ABCC3: variants seen among roughly 807,000 people sequenced by gnomAD.
The protein encoded by ABCC3 is ATP binding cassette subfamily C member 3.
A neutral mutation model predicts 165.3 loss-of-function variants in ABCC3; 121 were observed. The observed-to-expected ratio is 0.73, with a 90% confidence interval of 0.63 to 0.85. The LOEUF (loss-of-function observed/expected upper bound fraction) is 0.85, where lower values mean the gene tolerates loss of function less well. Among genes scored for constraint, ABCC3 ranks in the 40% least tolerant of loss-of-function variants. ABCC3 has a pLI of 0.00. For missense variants in ABCC3, 1,869 were observed against 1,964.1 expected (o/e 0.95, Z 0.92); for synonymous variants, 733 against 810.1 (o/e 0.90, Z 1.62).
intron 17 of ABCC3, among the ~76,000 whole-genome samples, chr17:50,672,013 C>G (rs929546300): frequency 6.6e-6 from 1 of 151,930 alleles, no homozygotes; most frequent in Non-Finnish European, 1.5e-5. Context: ...TGAGCCACCA[C>G]GCGCGACCTC....
At chr17:50,658,575 C>A in intron 6 of ABCC3, 79 bp downstream of exon 6, 2 of 1,492,276 alleles carry the variant, frequency 1.3e-6, no homozygotes, top group African/African-American at 1.4e-5. Context: ...AGCAGGGCAG[C>A]AGTTTAGGGA....
Position 50,684,088 on chromosome 17 carries a change from A to G in ABCC3, c.4094A>G (p.Gln1365Arg), listed in dbSNP as rs11568590. 637 of 1,613,186 alleles carry G rather than the reference A, an allele frequency of 3.9e-4. 2 individuals are homozygous for G. The African/African-American group carries it at 7.2e-3, about 18-fold the overall frequency. Residue 1365 changes from glutamine (Q) to arginine (R), a missense_variant, in exon 28 of 31, where the codon CAG becomes CGG. Transcript: ENST00000285238. ...ATCGGCCTCCATGACCTGCGCTCTC[A>G]GCTGACCATCATCCCGCAGGTAGGA... Reference protein sequence around the residue: ...ADIGLHDLRSQLTIIPQDPIL... With the variant: ...ADIGLHDLRSRLTIIPQDPIL...
Position 50,661,822 on chromosome 17 carries a change from C to T in ABCC3, c.998+708C>T, listed in dbSNP as rs201045420. ...GTGTTCTCGGGTGTCTGGAAAACCC[C>T]GGGAGGGGCAAAGAAGCCAGCCTGG... is the stretch of plus-strand genomic sequence containing the variant. On this transcript the variant is annotated intron_variant, in intron 8 of 30. Coordinates refer to ENST00000285238, the MANE Select transcript of ABCC3 (RefSeq NM_003786.4). 6.6e-5 allele frequency among the ~76,000 whole-genome samples: 10 copies of T among 152,106 alleles called. No homozygotes were observed. In the East Asian group the frequency reaches 1.4e-3, roughly 21 times the overall value.
In ABCC3 at chr17:50,656,841, C is replaced by T; in HGVS notation, c.348+14C>T. 2 of 1,594,774 alleles carry T rather than the reference C, an allele frequency of 1.3e-6. No individual in the cohort carries two copies. Among genetic ancestry groups the T allele is most frequent in the South Asian group, 1.1e-5 (1 of 87,834 alleles). ...GGGGTCACCATGGTCAGTGTGGGGCCCTGGGAAAGTGGATGGGGGAGGTCT... is the reference window on the plus strand; with the variant it reads ...GGGGTCACCATGGTCAGTGTGGGGCTCTGGGAAAGTGGATGGGGGAGGTCT... On this transcript the variant is annotated intron_variant, in intron 3 of 30. Coordinates refer to ENST00000285238, the MANE Select transcript of ABCC3 (RefSeq NM_003786.4).
intron 26 of ABCC3, among the ~76,000 whole-genome samples, chr17:50,681,651 C>T (rs1967931248): frequency 6.6e-6 from 1 of 152,214 alleles, no homozygotes; most frequent in African/African-American, 2.4e-5. Flanking sequence ...GCTTCCTCAT[C>T]AGCCTTGATG....
chr17:50,688,815 A>G (rs957341861), intron 30 of ABCC3, among the ~76,000 whole-genome samples: 2 of 151,874 alleles, frequency 1.3e-5, no homozygotes, highest in African/African-American at 2.4e-5. Context: ...CTGACAGAGA[A>G]TTGCTTGAAC....
At chr17:50,671,576 G>A (rs1337114895) in intron 17 of ABCC3, among the ~76,000 whole-genome samples, 3 of 152,050 alleles carry the variant, frequency 2.0e-5, no homozygotes, top group East Asian at 1.9e-4. Flanking sequence ...AAGAGTCCAC[G>A]GTCCAGGGGC....
intron 6 of ABCC3, among the ~76,000 whole-genome samples, chr17:50,658,710 A>C (rs1324542521): frequency 6.6e-6 from 1 of 152,258 alleles, no homozygotes; most frequent in African/African-American, 2.4e-5. Flanking sequence ...CCCAGGCTAC[A>C]GGCCAGCCCT....
rs199663267 is a variant in ABCC3, at chr17:50,675,420, C to T, written c.2658C>T (p.His886=). Residue 886 remains histidine, a synonymous_variant, in exon 20 of 31, where the codon CAC becomes CAT. Transcript: ENST00000285238. ...ALLIEDTLSN[H]TDLTDNDPVT... is the part of the protein sequence containing the mutation. ...TGATTGAAGACACACTCAGCAACCA[C>T]ACGGATCTGACAGACAATGATCCAG... 1.9e-5 allele frequency: 30 copies of T among 1,614,104 alleles called. No homozygotes were observed. The African/African-American group carries it at 2.4e-4, about 13-fold the overall frequency.
chr17:50,668,938 C>G lies in ABCC3; in HGVS notation c.1937+19C>G, dbSNP rs1375044534. On this transcript the variant is annotated intron_variant, in intron 15 of 30. Coordinates refer to ENST00000285238, the MANE Select transcript of ABCC3 (RefSeq NM_003786.4). ...TGCACAGGTACCAGCTTCTCCCACT[C>G]CCTTCCCAGCTGCCCACGGTGGGCT... 6.2e-7 allele frequency: 1 copy of G among 1,613,326 alleles called. No homozygotes were observed. The highest frequency in any genetic ancestry group is 1.3e-5 in the African/African-American group (1 of 74,910).
At position 50,660,977 on chromosome 17, in the gene ABCC3, G is replaced by A. The variant is rs780141038; in HGVS notation, c.861G>A (p.Leu287=). The change falls in exon 8 of 31, where the codon CTG becomes CTA. Residue 287 remains leucine (L), a synonymous_variant. Coordinates refer to ENST00000285238, the MANE Select transcript of ABCC3 (RefSeq NM_003786.4). Reference sequence around the variant, plus strand: ...ATGCCTCCGGCGAGGACGAGGTGCTGCTGGGTGCCCGGCCCAGGCCCCGGA... The same window carrying A: ...ATGCCTCCGGCGAGGACGAGGTGCTACTGGGTGCCCGGCCCAGGCCCCGGA... ...GKNASGEDEV[L]LGARPRPRKP... 2.5e-6 allele frequency: 4 copies of A among 1,613,748 alleles called. No individual in the cohort carries two copies. Among genetic ancestry groups the A allele is most frequent in the African/African-American group, 1.3e-5 (1 of 74,938 alleles).
chr17:50,656,008 G>T lies in ABCC3; in HGVS notation c.222G>T (p.Met74Ile), dbSNP rs755394565. Residue 74 changes from methionine (M) to isoleucine (I), a missense_variant and splice_region_variant, in exon 2 of 31, where the codon ATG (methionine) becomes ATT (isoleucine). Transcript: ENST00000285238. Reference protein sequence around the residue: ...IILSHLSKLKMVLGVLLWCVS... With the variant: ...IILSHLSKLKIVLGVLLWCVS... ...TCTCCCACCTGTCCAAGCTCAAGAT[G>T]GTCAGTGGCTCAGGGATCTCCTACC... is the stretch of plus-strand genomic sequence containing the variant. 1 of 1,613,158 alleles carries T rather than the reference G, an allele frequency of 6.2e-7. No homozygotes were observed. The highest frequency in any genetic ancestry group is 1.1e-5 in the South Asian group (1 of 90,946).
intron 1 of ABCC3, among the ~76,000 whole-genome samples, chr17:50,654,872 CGT>C (rs879392946): frequency 6.2e-3 from 867 of 139,628 alleles, no homozygotes; most frequent in Middle Eastern, 0.058. Context: ...GCGGGCAGGT[CGT>C]AAGGTCAAGA....
At position 50,658,078 on chromosome 17, in the gene ABCC3, C is replaced by CCAG. The variant is rs1967292663; in HGVS notation, c.487-3_487-1dup. On this transcript the variant is annotated splice_region_variant and splice_polypyrimidine_tract_variant and intron_variant, in intron 4 of 30. Coordinates refer to ENST00000285238, the MANE Select transcript of ABCC3 (RefSeq NM_003786.4). ...TTCTGACGCCCCTCCACTCTCCCAC[C>CCAG]CAGGGTGAGATCTCAGACCCCTTCC... The CCAG allele has an allele frequency of 1.2e-6, 2 of 1,613,996 alleles. No individual in the cohort carries two copies. Among genetic ancestry groups the CCAG allele is most frequent in the Non-Finnish European group, 1.7e-6 (2 of 1,179,970 alleles).
At position 50,663,847 on chromosome 17, in the gene ABCC3, A is replaced by G; in HGVS notation, c.1165A>G (p.Ile389Val). Reference protein sequence around the residue: ...VKFRTGIMGVIYRKALVITNS... With the variant: ...VKFRTGIMGVVYRKALVITNS... ...GTTTCGTACTGGGATCATGGGTGTC[A>G]TCTACAGGAAGGTCAGCTGGAGCAG... The change falls in exon 9 of 31, where the codon ATC (isoleucine) becomes GTC (valine). Residue 389 changes from isoleucine (I) to valine (V), a missense_variant. Coordinates refer to ENST00000285238, the MANE Select transcript of ABCC3 (RefSeq NM_003786.4). 6.2e-7 allele frequency: 1 copy of G among 1,614,152 alleles called. No homozygotes were observed. Among genetic ancestry groups the G allele is most frequent in the Non-Finnish European group, 8.5e-7 (1 of 1,180,024 alleles).
intron 8 of ABCC3, chr17:50,663,369 G>A (rs553949295): frequency 2.7e-5 from 10 of 375,012 alleles, no homozygotes; most frequent in Non-Finnish European, 4.4e-5. Flanking sequence ...CAATGGAAAC[G>A]TGGCATTTCT....
chr17:50,676,028 A>G lies in ABCC3; in HGVS notation c.3005A>G (p.Asp1002Gly), dbSNP rs1967795540. 1.2e-6 allele frequency: 2 copies of G among 1,614,066 alleles called. No homozygotes were observed. The highest frequency in any genetic ancestry group is 1.7e-6 in the Non-Finnish European group (2 of 1,180,028). Residue 1002 changes from aspartate to glycine, a missense_variant, in exon 22 of 31, where the codon GAC becomes GGC. Asp to Gly is a moderately conservative substitution (Grantham distance 94, BLOSUM62 -1). Transcript: ENST00000285238. ...LSAWTNDAMA[D>G]SRQNNTSLRL... ...GCCTGGACAAATGATGCCATGGCAG[A>G]CAGTAGACAGAACAACACTTCCCTG...
In ABCC3 at chr17:50,674,012, C is replaced by T. The variant is rs1462890231; in HGVS notation, c.2599+354C>T. Among the ~76,000 whole-genome samples, 183 of 21,846 alleles carry T rather than the reference C, an allele frequency of 8.4e-3. 21 individuals are homozygous for T. Among genetic ancestry groups the T allele is most frequent in the Middle Eastern group, 0.016 (1 of 62 alleles). The allele number at this position is 21,846 out of a possible 152,430, so 14.3% of individuals were successfully genotyped here. A position where few individuals can be genotyped will look rare whatever the true frequency, so the allele number is the denominator to read the frequency against. ...TCTCTCTCTCTCTCTCTCTCTCTCT[C>T]TCTCTCTCTCTCTCTCTCTCTCTCT... On this transcript the variant is annotated intron_variant, in intron 19 of 30. Coordinates refer to ENST00000285238, the MANE Select transcript of ABCC3 (RefSeq NM_003786.4).
intron 25 of ABCC3, 84 bp downstream of exon 25, chr17:50,678,303 C>A: frequency 7.0e-7 from 1 of 1,432,828 alleles, no homozygotes; most frequent in Non-Finnish European, 9.2e-7. Flanking sequence ...GAGTGCCCCT[C>A]CCTGCTCAGT....
Sources: gnomAD v4.1 joint callset for allele counts (sites outside exome capture counted in the v4.1 genomes callset) on GRCh38, gnomAD v4.1.1 for gene constraint, MANE v1.5 for transcripts, NCBI Gene and HGNC (gene_info 2026-07-23, HGNC 2026-07-21) for gene names.